The following CACNA1B variants were observed in gnomAD, a reference collection of about 807,000 sequenced individuals.
CACNA1B encodes the protein voltage-dependent N-type calcium channel subunit alpha-1B.
In CACNA1B, 70 loss-of-function variants were observed where a neutral mutation model predicts 247.2. The observed-to-expected ratio is 0.28, with a 90% confidence interval of 0.23 to 0.35. The LOEUF is 0.35. Ranked by LOEUF, CACNA1B falls within the 10% of genes least tolerant of loss-of-function variation. The pLI is 1.00. For missense variants in CACNA1B, 2,367 were observed against 3,197.4 expected, an observed-to-expected ratio of 0.74 and a Z score of 6.26; for synonymous variants, 1,231 against 1,294.4, an observed-to-expected ratio of 0.95 and a Z score of 1.05.
intron 36 of CACNA1B, among the ~76,000 whole-genome samples, chr9:138,092,420 C>T (rs1015963049): frequency 2.0e-5 from 3 of 152,196 alleles, no homozygotes; most frequent in Non-Finnish European, 2.9e-5. Flanking sequence ...TCGCTTTCTG[C>T]AAGAAGAGAA....
At position 138,124,000 on chromosome 9, in the gene CACNA1B, C is replaced by G. The variant is rs113606693; in HGVS notation, c.*2001C>G. ...GCCATTTCCCCAGGCAGTGTTGGGT[C>G]GAGAATCCACTTTTCTAAACCCACA... On this transcript the variant is annotated 3_prime_UTR_variant, in exon 47 of 47. Transcript: ENST00000371372. 6.6e-6 allele frequency: 1 copy of G among 152,092 alleles called. No homozygotes were observed. The highest frequency in any genetic ancestry group is 1.5e-5 in the Non-Finnish European group (1 of 68,028). 9.4% of individuals were successfully genotyped at this position (152,092 alleles called of 1,614,324 possible). A position where few individuals can be genotyped will look rare whatever the true frequency, so the allele number is the denominator to read the frequency against.
chr9:138,046,572 T>C (rs1033888747), intron 21 of CACNA1B, among the ~76,000 whole-genome samples: 7 of 152,252 alleles, frequency 4.6e-5, no homozygotes, highest in African/African-American at 1.7e-4. Context: ...CAGTTGGTAG[T>C]GAATGGATGT....
In CACNA1B at chr9:137,957,615, A is replaced by G; in HGVS notation, c.1261A>G (p.Thr421Ala). 1 of 1,599,012 alleles carries G rather than the reference A, an allele frequency of 6.3e-7. No homozygotes were observed. The highest frequency in any genetic ancestry group is 8.5e-7 in the Non-Finnish European group (1 of 1,173,202). The change falls in exon 10 of 47, where the codon ACC (threonine) becomes GCC (alanine). Residue 421 changes from threonine (T) to alanine (A), a missense_variant. Thr to Ala is a moderately conservative substitution (Grantham distance 58). Transcript: ENST00000371372. The surrounding 1 kb of genome is among the most constrained non-coding windows in gnomAD (Gnocchi z 4.7). The part of the protein sequence containing the change: ...SPLDVLKRAA[T>A]KKSRNDLIHA... ...TAAAGCAGTGCTGAAGAGAGCGGCCACCAAGAAGAGCAGAAATGACCTGAT... is the reference window on the plus strand; with the variant it reads ...TAAAGCAGTGCTGAAGAGAGCGGCCGCCAAGAAGAGCAGAAATGACCTGAT...
intron 32 of CACNA1B, among the ~76,000 whole-genome samples, chr9:138,070,205 G>A (rs1271085378): frequency 2.0e-5 from 3 of 152,192 alleles, no homozygotes; most frequent in Non-Finnish European, 2.9e-5. Context: ...AGAAGGCCCC[G>A]CTTTGCCCAG....
chr9:137,942,983 C>T (rs1243036249), intron 6 of CACNA1B, among the ~76,000 whole-genome samples: 1 of 151,986 alleles, frequency 6.6e-6, no homozygotes, highest in Non-Finnish European at 1.5e-5. Context: ...TTTTTAAGTA[C>T]CTTATCTCCT....
In CACNA1B at chr9:137,952,266, G is replaced by T; in HGVS notation, c.967-8G>T. ...TGTCCTTCCTCATCTCCCTCTCCTT[G>T]CTTCCAGACAAACGATGCGGCCGGC... On this transcript the variant is annotated splice_region_variant and splice_polypyrimidine_tract_variant and intron_variant, in intron 6 of 46. Coordinates refer to ENST00000371372, the MANE Select transcript of CACNA1B (RefSeq NM_000718.4). This position sits in a 1 kb window ranked among gnomAD's most constrained non-coding sequence, Gnocchi z 4.8. The T allele has an allele frequency of 6.2e-7, 1 of 1,612,186 alleles. No homozygotes were observed. The highest frequency in any genetic ancestry group is 1.1e-5 in the South Asian group (1 of 91,048).
chr9:138,044,396 A>C (rs950516245), intron 21 of CACNA1B, among the ~76,000 whole-genome samples: 1 of 152,246 alleles, frequency 6.6e-6, no homozygotes, highest in African/African-American at 2.4e-5. Flanking sequence ...GGGAATAGTT[A>C]GGAATGAACA....
Position 137,917,746 on chromosome 9 carries a change from C to G in CACNA1B, c.966+315C>G, listed in dbSNP as rs1486966285. On this transcript the variant is annotated intron_variant, in intron 6 of 46. Coordinates refer to ENST00000371372, the MANE Select transcript of CACNA1B (RefSeq NM_000718.4). This position sits in a 1 kb window ranked among gnomAD's most constrained non-coding sequence, Gnocchi z 5.5. Reference sequence around the variant, plus strand: ...GAGGAGATGCTGCTGTTTCTGTTGGCAAGGACGATAGTAGCACTGCTAGCT... The same window carrying G: ...GAGGAGATGCTGCTGTTTCTGTTGGGAAGGACGATAGTAGCACTGCTAGCT... 2.6e-5 allele frequency among the ~76,000 whole-genome samples: 4 copies of G among 152,240 alleles called. No homozygotes were observed.
chr9:138,091,403 G>T (rs897831207), intron 36 of CACNA1B, among the ~76,000 whole-genome samples: 1 of 152,196 alleles, frequency 6.6e-6, no homozygotes, highest in Admixed American at 6.5e-5. Context: ...GAGGATGGGG[G>T]ATAGCCAAAG....
In CACNA1B at chr9:137,891,911, T is replaced by C. The variant is rs1202119136; in HGVS notation, c.530+9028T>C. The C allele has an allele frequency of 2.6e-6, 1 of 382,168 alleles. No individual in the cohort carries two copies. Among genetic ancestry groups the C allele is most frequent in the Admixed American group, 3.2e-5 (1 of 31,736 alleles). The allele number at this position is 382,168 out of a possible 1,614,324, so 23.7% of individuals were successfully genotyped here. On this transcript the variant is annotated intron_variant, in intron 3 of 46. Coordinates refer to ENST00000371372, the MANE Select transcript of CACNA1B (RefSeq NM_000718.4). This position sits in a 1 kb window ranked among gnomAD's most constrained non-coding sequence, Gnocchi z 4.3. The stretch of plus-strand genomic sequence containing the variant: ...CCCTCTTCACGACCCTGCTGTGAGC[T>C]CCTTTCTCCAGGGCTGGGCAGGCCC...
intron 20 of CACNA1B, among the ~76,000 whole-genome samples, chr9:138,028,320 G>A (rs1958947558): frequency 1.3e-5 from 2 of 152,086 alleles, no homozygotes; most frequent in African/African-American, 2.4e-5. Context: ...ACCGTGCCTG[G>A]CCCCATTATT....
chr9:138,081,797 A>C (rs1960530436), intron 36 of CACNA1B, among the ~76,000 whole-genome samples: 1 of 151,102 alleles, frequency 6.6e-6, no homozygotes, highest in South Asian at 2.1e-4. Context: ...GAAAGACACA[A>C]ATTATCATAA....
At chr9:138,027,074 G>T (rs1958929944) in intron 20 of CACNA1B, among the ~76,000 whole-genome samples, 1 of 152,148 alleles carries the variant, frequency 6.6e-6, no homozygotes, top group Admixed American at 6.5e-5. Context: ...TCTTTGATGA[G>T]ATTCCTATTC....
intron 10 of CACNA1B, among the ~76,000 whole-genome samples, chr9:137,962,547 C>G (rs1456483553): frequency 6.6e-6 from 1 of 152,144 alleles, no homozygotes; most frequent in Non-Finnish European, 1.5e-5. Context: ...CCTCTTAACA[C>G]TGCTTTAACT....
In CACNA1B at chr9:137,986,534, T is replaced by G; in HGVS notation, c.1891T>G (p.Phe631Val). 6.2e-7 allele frequency: 1 copy of G among 1,613,826 alleles called. No individual in the cohort carries two copies. Among genetic ancestry groups the G allele is most frequent in the East Asian group, 2.2e-5 (1 of 44,870 alleles). ...VVFALLGMQLFGGQFNFQDET... is the reference protein window; with the variant it reads ...VVFALLGMQLVGGQFNFQDET... ...CTTCGCCCTGCTGGGGATGCAGCTG[T>G]TTGGGGGACAGTAAGTGGGCCCGGG... Residue 631 changes from phenylalanine to valine, a missense_variant, in exon 14 of 47, where the codon TTT becomes GTT. Physicochemically the swap from Phe to Val is conservative, Grantham distance 50. Transcript: ENST00000371372. This position sits in a 1 kb window ranked among gnomAD's most constrained non-coding sequence, Gnocchi z 6.0.
rs1318433938 is a variant in CACNA1B, at chr9:138,121,979, G to C, written c.7000G>C (p.Asp2334His). The change falls in exon 47 of 47, where the codon GAC (aspartate) becomes CAC (histidine). Residue 2334 changes from aspartate to histidine, a missense_variant. This residue lies in a region of CACNA1B where 773 missense variants were observed against 779.4 expected (regional missense o/e 0.99). Coordinates refer to ENST00000371372, the MANE Select transcript of CACNA1B (RefSeq NM_000718.4). This position sits in a 1 kb window ranked among gnomAD's most constrained non-coding sequence, Gnocchi z 6.8. ...AGCACGGCACAGCTACCACCACCCT[G>C]ACCAAGACCACTGGTGCTAGCTGCA... is the stretch of plus-strand genomic sequence containing the variant. ...GRARHSYHHP[D>H]QDHWC 2.5e-6 allele frequency: 4 copies of C among 1,600,184 alleles called. No individual in the cohort carries two copies. The highest frequency in any genetic ancestry group is 3.4e-6 in the Non-Finnish European group (4 of 1,179,518).
At chr9:138,109,808 C>T (rs768393066) in intron 39 of CACNA1B, among the ~76,000 whole-genome samples, 4 of 152,284 alleles carry the variant, frequency 2.6e-5, no homozygotes, top group Non-Finnish European at 2.9e-5. Flanking sequence ...TGGTGGCTCA[C>T]GCCTGTAATT....
chr9:138,079,742 C>CAAAAAAA (rs141292393), intron 36 of CACNA1B, among the ~76,000 whole-genome samples: 2 of 41,832 alleles, frequency 4.8e-5, no homozygotes, highest in African/African-American at 8.3e-5. Context: ...GACTCCATCT[C>CAAAAAAA]AAAAAAAAAA....
chr9:138,046,867 T>C, intron 21 of CACNA1B, 37 bp from the exon 22 acceptor site: 3 of 1,599,012 alleles, frequency 1.9e-6, no homozygotes, highest in Non-Finnish European at 2.6e-6. Flanking sequence ...CGCGCCCGGC[T>C]GGGGGGCCTT....
Sources: gnomAD v4.1 joint callset for allele counts (sites outside exome capture counted in the v4.1 genomes callset) on GRCh38, gnomAD v4.1.1 for gene constraint, gnomAD v4.1.1 regional missense constraint, Gnocchi (gnomAD v3.1) non-coding constraint, MANE v1.5 for transcripts, NCBI Gene and HGNC (gene_info 2026-07-23, HGNC 2026-07-21) for gene names.